Variants in SUSD5 observed in about 807,000 individuals in gnomAD.
The protein encoded by SUSD5 is sushi domain containing 5.
SUSD5 carries 33 observed loss-of-function variants against 29.5 expected under a neutral mutation model. That is an observed-to-expected ratio of 1.12 (90% CI 0.85 to 1.49). SUSD5 has a LOEUF of 1.49. Ranked by LOEUF, SUSD5 falls within the 40% of genes most tolerant of loss-of-function variation. The probability of loss-of-function intolerance (pLI) is 0.00; values close to 1 mark genes in which losing one functional copy is unlikely to be tolerated. For missense variants in SUSD5, 776 were observed against 800.6 expected, an observed-to-expected ratio of 0.97 and a Z score of 0.37; for synonymous variants, 308 against 325.3, an observed-to-expected ratio of 0.95 and a Z score of 0.57.
At chr3:33,182,756 T>G (rs2031697923) in intron 3 of SUSD5, among the ~76,000 whole-genome samples, 1 of 152,164 alleles carries the variant, frequency 6.6e-6, no homozygotes, top group Admixed American at 6.5e-5. Flanking sequence ...TTATTTTGAT[T>G]AGTGTTAGCA....
intron 4 of SUSD5, among the ~76,000 whole-genome samples, chr3:33,170,776 C>T (rs922050260): frequency 2.0e-5 from 3 of 152,304 alleles, no homozygotes; most frequent in Non-Finnish European, 2.9e-5. Context: ...AAGTAACAGA[C>T]AGTTGAAGTC....
At chr3:33,189,428 G>A (rs1273134051) in intron 3 of SUSD5, among the ~76,000 whole-genome samples, 1 of 132,592 alleles carries the variant, frequency 7.5e-6, no homozygotes, top group South Asian at 2.4e-4. Flanking sequence ...AGTGAGCTGA[G>A]ATCACGCTAC....
chr3:33,177,840 T>A (rs2031584353), intron 3 of SUSD5, among the ~76,000 whole-genome samples: 1 of 152,240 alleles, frequency 6.6e-6, no homozygotes, highest in Non-Finnish European at 1.5e-5. Context: ...GCGGGTTTGT[T>A]ACTATAACTG....
chr3:33,163,461 GA>G (rs2031235869), intron 4 of SUSD5, among the ~76,000 whole-genome samples: 1 of 152,082 alleles, frequency 6.6e-6, no homozygotes, highest in Non-Finnish European at 1.5e-5. Context: ...AGGAGTTTTA[GA>G]AAAGCATCTG....
At position 33,167,206 on chromosome 3, in the gene SUSD5, A is replaced by G. The variant is rs1017463324; in HGVS notation, c.598+7680T>C. Among the ~76,000 whole-genome samples the G allele has an allele frequency of 1.3e-5, 2 of 150,926 alleles. No individual in the cohort carries two copies. The highest frequency in any genetic ancestry group is 2.4e-5 in the African/African-American group (1 of 41,196). On this transcript the variant is annotated intron_variant, in intron 4 of 4. Transcript: ENST00000309558. The surrounding 1 kb of genome is among the most constrained non-coding windows in gnomAD (Gnocchi z 4.1). ...AAAAAATATATATATATATAAATAT[A>G]TATATAAAACATAAAGTCAAAAGGC... is the stretch of plus-strand genomic sequence containing the variant.
intron 3 of SUSD5, among the ~76,000 whole-genome samples, chr3:33,183,677 A>G (rs1248063737): frequency 1.3e-5 from 2 of 151,964 alleles, no homozygotes; most frequent in African/African-American, 4.8e-5. Flanking sequence ...ACCTTCACTT[A>G]TTTATTCTCT....
At chr3:33,155,217 T>C (rs541885425) in intron 4 of SUSD5, among the ~76,000 whole-genome samples, 1 of 152,208 alleles carries the variant, frequency 6.6e-6, no homozygotes, top group African/African-American at 2.4e-5. Context: ...TAAAAAGGAC[T>C]CCCACAAATC....
chr3:33,159,899 C>T (rs2031143419), intron 4 of SUSD5, among the ~76,000 whole-genome samples: 1 of 152,172 alleles, frequency 6.6e-6, no homozygotes, highest in Non-Finnish European at 1.5e-5. Flanking sequence ...CTAAAGAAGA[C>T]TGGACAAGCG....
Position 33,152,853 on chromosome 3 carries a change from C to T in SUSD5, c.1779G>A (p.Gly593=). Residue 593 remains glycine, a synonymous_variant, in exon 5 of 5, where the codon GGG becomes GGA. Transcript: ENST00000309558. ...LCLLLLLAGV[G]MVWGYRKCQH... is the part of the protein sequence containing the mutation. ...GGCACTTGCGGTAGCCCCACACCAT[C>T]CCCACACCTGCCAGGAGCAGCAGTA... is the stretch of plus-strand genomic sequence containing the variant. 1 of 1,613,996 alleles carries T rather than the reference C, an allele frequency of 6.2e-7. No individual in the cohort carries two copies. Among genetic ancestry groups the T allele is most frequent in the Non-Finnish European group, 8.5e-7 (1 of 1,179,902 alleles).
chr3:33,193,857 G>A (rs1013000940), intron 3 of SUSD5, among the ~76,000 whole-genome samples: 3 of 152,142 alleles, frequency 2.0e-5, no homozygotes, highest in Admixed American at 6.5e-5. Flanking sequence ...AAACAAAAAC[G>A]ATAATAGCCC....
chr3:33,164,802 G>T (rs181562672), intron 4 of SUSD5, among the ~76,000 whole-genome samples: 106 of 152,272 alleles, frequency 7.0e-4, no homozygotes, highest in Middle Eastern at 6.8e-3. Context: ...CTCAAATTAA[G>T]TGACATCACA....
intron 1 of SUSD5, 132 bp downstream of exon 1, chr3:33,218,554 G>C (rs2032466073): frequency 3.7e-6 from 3 of 821,276 alleles, no homozygotes; most frequent in African/African-American, 3.6e-5. Flanking sequence ...CAGGACCGCG[G>C]CTCGTTCGTT....
At chr3:33,214,285 CT>C (rs1169188055) in intron 1 of SUSD5, among the ~76,000 whole-genome samples, 180 bp from the exon 2 acceptor site, 25 of 150,350 alleles carry the variant, frequency 1.7e-4, no homozygotes, top group South Asian at 4.2e-4. Flanking sequence ...GCATTTTCGT[CT>C]TTTTTTTTTC....
At chr3:33,176,765 T>A (rs533356574) in intron 3 of SUSD5, among the ~76,000 whole-genome samples, 1 of 152,302 alleles carries the variant, frequency 6.6e-6, no homozygotes, top group Admixed American at 6.5e-5. Flanking sequence ...TCGAGTTAAT[T>A]TTTGTGAAGG....
At chr3:33,213,319 A>G (rs139973571) in intron 2 of SUSD5, among the ~76,000 whole-genome samples, 25 of 151,864 alleles carry the variant, frequency 1.6e-4, no homozygotes, top group African/African-American at 6.0e-4. Context: ...CAGGAGAAAC[A>G]TTAGAGCCCA....
chr3:33,197,230 G>A (rs540024013), intron 3 of SUSD5, among the ~76,000 whole-genome samples: 2 of 152,186 alleles, frequency 1.3e-5, no homozygotes, highest in East Asian at 3.9e-4. Context: ...ATGGGTGAGA[G>A]GTCTCATCTG....
At chr3:33,193,338 CA>C (rs2031934644) in intron 3 of SUSD5, among the ~76,000 whole-genome samples, 1 of 152,128 alleles carries the variant, frequency 6.6e-6, no homozygotes, top group African/African-American at 2.4e-5. Context: ...TTGAGCTGTC[CA>C]GGATAGCAGC....
At chr3:33,177,473 T>A (rs541786843) in intron 3 of SUSD5, among the ~76,000 whole-genome samples, 1 of 152,332 alleles carries the variant, frequency 6.6e-6, no homozygotes, top group South Asian at 2.1e-4. Context: ...TCATTTTTCC[T>A]TGGGGTGCTA....
At chr3:33,154,570 G>A (rs2031007994) in intron 4 of SUSD5, among the ~76,000 whole-genome samples, 1 of 131,930 alleles carries the variant, frequency 7.6e-6, no homozygotes, top group South Asian at 2.1e-4. Context: ...CAAAAAACAT[G>A]TGAGTTTATT....
Sources: allele counts gnomAD v4.1 joint callset (sites outside exome capture counted in the v4.1 genomes callset), GRCh38; gene constraint gnomAD v4.1.1; non-coding constraint Gnocchi (gnomAD v3.1); transcripts MANE v1.5; gene names NCBI Gene and HGNC (gene_info 2026-07-23, HGNC 2026-07-21).